BCKDHB: variants seen among roughly 807,000 people sequenced by gnomAD.
BCKDHB encodes the protein 2-oxoisovalerate dehydrogenase subunit beta, mitochondrial.
BCKDHB carries 41 observed loss-of-function variants against 48.5 expected under a neutral mutation model. The ratio of observed to expected loss-of-function variants is 0.85; its 90% CI spans 0.66 to 1.10. BCKDHB has a LOEUF of 1.10. Among genes scored for constraint, BCKDHB ranks in the 50% least tolerant of loss-of-function variants. BCKDHB has a pLI of 0.00. For synonymous variants in BCKDHB, 201 were observed against 174.8 expected (o/e 1.15, Z -1.18); for missense variants, 496 against 494.2 (o/e 1.00, Z -0.03).
At chr6:80,197,680 G>A (rs578228301) in intron 6 of BCKDHB, among the ~76,000 whole-genome samples, 3 of 152,176 alleles carry the variant, frequency 2.0e-5, no homozygotes, top group Non-Finnish European at 4.4e-5. Context: ...CCACTTACAA[G>A]TAAGATGGAA....
chr6:80,157,611 A>G lies in BCKDHB; in HGVS notation c.344-10067A>G, dbSNP rs919611960. 1.5e-4 allele frequency among the ~76,000 whole-genome samples: 22 copies of G among 151,358 alleles called. 1 individual carries two copies. Among genetic ancestry groups the G allele is most frequent in the Admixed American group, 9.9e-4 (15 of 15,178 alleles). The stretch of plus-strand genomic sequence containing the variant: ...CTCCGAAGTAGCTGGGATTACAGGC[A>G]TGTGCCACCACACCTGGCTAATTTT... On this transcript the variant is annotated intron_variant, in intron 3 of 9. Transcript: ENST00000320393.
intron 9 of BCKDHB, among the ~76,000 whole-genome samples, chr6:80,274,099 A>C (rs1777867023): frequency 6.6e-6 from 1 of 152,012 alleles, no homozygotes; most frequent in African/African-American, 2.4e-5. Flanking sequence ...ATTGTTATAG[A>C]ATTATGATAT....
At chr6:80,238,486 T>A (rs1220717068) in intron 8 of BCKDHB, among the ~76,000 whole-genome samples, 2 of 152,186 alleles carry the variant, frequency 1.3e-5, no homozygotes, top group African/African-American at 2.4e-5. Flanking sequence ...AAATAACAAC[T>A]CGTGAATCTG....
intron 9 of BCKDHB, among the ~76,000 whole-genome samples, chr6:80,341,793 A>G (rs1185687930): frequency 1.3e-5 from 2 of 152,172 alleles, no homozygotes; most frequent in African/African-American, 4.8e-5. Context: ...GTATTCAGGG[A>G]AGATGGAAAA....
Position 80,343,873 on chromosome 6 carries a change from GAC to G in BCKDHB, c.*73_*74del. The G allele has an allele frequency of 4.5e-6, 7 of 1,555,820 alleles. No individual in the cohort carries two copies. The highest frequency in any genetic ancestry group is 5.3e-6 in the Non-Finnish European group (6 of 1,127,676). On this transcript the variant is annotated 3_prime_UTR_variant, in exon 10 of 10. Transcript: ENST00000320393. Reference sequence around the variant, plus strand: ...CTGACATTAACGTACTGTTAACCAAGACACAGCAATCATCAGTGTTTTGATGG... The same window carrying G: ...CTGACATTAACGTACTGTTAACCAAGACAGCAATCATCAGTGTTTTGATGG...
intron 9 of BCKDHB, among the ~76,000 whole-genome samples, chr6:80,315,555 A>G (rs1267648521): frequency 6.7e-6 from 1 of 149,646 alleles, no homozygotes; most frequent in Non-Finnish European, 1.5e-5. Context: ...AGTGCCACGC[A>G]CTACAGTTGC....
chr6:80,408,944 A>G, the BCKDHB span, among the ~76,000 whole-genome samples: 1 of 151,572 alleles, frequency 6.6e-6, no homozygotes, highest in Non-Finnish European at 1.5e-5. Context: ...TTGCTTCTCC[A>G]GTTCTATTTA....
the BCKDHB span, among the ~76,000 whole-genome samples, chr6:80,369,145 T>G: frequency 1.3e-5 from 2 of 151,170 alleles, no homozygotes; most frequent in Non-Finnish European, 3.0e-5. Context: ...AAATTGTAAT[T>G]TGATGAACTT....
chr6:80,408,384 G>A, the BCKDHB span, among the ~76,000 whole-genome samples: 1 of 152,080 alleles, frequency 6.6e-6, no homozygotes, highest in African/African-American at 2.4e-5. Flanking sequence ...GAGTAAGGGA[G>A]GATTCCTTCT....
chr6:80,357,243 G>A, the BCKDHB span, among the ~76,000 whole-genome samples: 1 of 152,190 alleles, frequency 6.6e-6, no homozygotes, highest in Non-Finnish European at 1.5e-5. Context: ...TCCCTTGCCT[G>A]AAGGAGCAAG....
At chr6:80,370,818 ATG>A in the BCKDHB span, among the ~76,000 whole-genome samples, 740 of 146,044 alleles carry the variant, frequency 5.1e-3, 6 homozygotes, top group African/African-American at 0.014. Flanking sequence ...GTATATATAT[ATG>A]TGTGTGTGTG....
chr6:80,389,884 G>A, the BCKDHB span, among the ~76,000 whole-genome samples: 1 of 152,098 alleles, frequency 6.6e-6, no homozygotes, highest in African/African-American at 2.4e-5. Flanking sequence ...GGTGGAAGTA[G>A]CACCACTCAC....
At chr6:80,347,681 T>C (rs1770272197), downstream of BCKDHB, among the ~76,000 whole-genome samples, 1 of 152,234 alleles carries the variant, frequency 6.6e-6, no homozygotes, top group Non-Finnish European at 1.5e-5. Flanking sequence ...GAGGATGATC[T>C]ATGTACTAAA....
intron 2 of BCKDHB, among the ~76,000 whole-genome samples, chr6:80,128,212 A>G (rs760694022): frequency 7.2e-5 from 11 of 151,890 alleles, no homozygotes; most frequent in Non-Finnish European, 1.3e-4. Flanking sequence ...GTGTGCATAT[A>G]TGTTGACTAT....
intron 8 of BCKDHB, among the ~76,000 whole-genome samples, chr6:80,230,011 AG>A (rs1775842524): frequency 1.4e-5 from 2 of 143,014 alleles, no homozygotes; most frequent in Non-Finnish European, 3.0e-5. Context: ...TGAATTCCAA[AG>A]GGGTTTTTAG....
chr6:80,386,582 G>A, the BCKDHB span, among the ~76,000 whole-genome samples: 2 of 152,164 alleles, frequency 1.3e-5, no homozygotes, highest in African/African-American at 4.8e-5. Context: ...AATGCAATGG[G>A]AATAATTGAA....
At chr6:80,440,181 G>T in the BCKDHB span, among the ~76,000 whole-genome samples, 1 of 152,114 alleles carries the variant, frequency 6.6e-6, no homozygotes, top group Non-Finnish European at 1.5e-5. Flanking sequence ...ACCAATAAAG[G>T]TAACTTCAGG....
the BCKDHB span, among the ~76,000 whole-genome samples, chr6:80,353,026 A>G: frequency 6.6e-6 from 1 of 152,232 alleles, no homozygotes; most frequent in Non-Finnish European, 1.5e-5. Flanking sequence ...CATTGTACCC[A>G]TTAAGTGATT....
chr6:80,131,216 T>G (rs948916471), intron 3 of BCKDHB, among the ~76,000 whole-genome samples: 4 of 152,220 alleles, frequency 2.6e-5, no homozygotes, highest in Non-Finnish European at 5.9e-5. Flanking sequence ...GCTTCAGATC[T>G]GTGTATTCAG....
Sources: allele counts gnomAD v4.1 joint callset (sites outside exome capture counted in the v4.1 genomes callset), GRCh38; gene constraint gnomAD v4.1.1; transcripts MANE v1.5; gene names NCBI Gene and HGNC (gene_info 2026-07-23, HGNC 2026-07-21).